Variants in ETF1 observed in about 807,000 individuals in gnomAD.
The protein encoded by ETF1 is eukaryotic peptide chain release factor subunit 1.
ETF1 carries 4 observed loss-of-function variants against 55.1 expected under a neutral mutation model. The ratio of observed to expected loss-of-function variants is 0.07; its 90% CI spans 0.04 to 0.17. The LOEUF is 0.17. Among genes scored for constraint, ETF1 ranks in the 10% least tolerant of loss-of-function variants. The pLI is 1.00. For missense variants in ETF1, 142 were observed against 523.6 expected (o/e 0.27, Z 7.11); for synonymous variants, 157 against 182.3 (o/e 0.86, Z 1.12).
At chr5:138,532,452 C>G (rs961038809) in intron 2 of ETF1, among the ~76,000 whole-genome samples, 2 of 152,144 alleles carry the variant, frequency 1.3e-5, no homozygotes. Flanking sequence ...AAGTGCCTAG[C>G]TTGGAGAGCA....
At chr5:138,527,198 T>C (rs961281681) in intron 2 of ETF1, among the ~76,000 whole-genome samples, 2 of 152,166 alleles carry the variant, frequency 1.3e-5, no homozygotes, top group South Asian at 2.1e-4. Flanking sequence ...CTATCAAAAA[T>C]AGCTACTCTC....
intron 5 of ETF1, chr5:138,513,230 T>C: frequency 1.0e-6 from 1 of 984,348 alleles, no homozygotes; most frequent in Non-Finnish European, 1.2e-6. Flanking sequence ...ATCATACTGT[T>C]TTCTCTCTCT....
At position 138,526,991 on chromosome 5, in the gene ETF1, T is replaced by C. The variant is rs1331210259; in HGVS notation, c.87-8124A>G. Among the ~76,000 whole-genome samples the C allele has an allele frequency of 3.9e-5, 6 of 152,236 alleles. 1 individual carries two copies. In the East Asian group the frequency reaches 1.2e-3, roughly 29 times the overall value. ...CTGGGATTACAGGCATGAGCCACCA[T>C]GCCTGACCTTCTAATTTTTGTATTT... On this transcript the variant is annotated intron_variant, in intron 2 of 10. Coordinates refer to ENST00000360541, the MANE Select transcript of ETF1 (RefSeq NM_004730.4).
chr5:138,526,633 T>G (rs1765483981), intron 2 of ETF1, among the ~76,000 whole-genome samples: 1 of 152,016 alleles, frequency 6.6e-6, no homozygotes, highest in Admixed American at 6.6e-5. Context: ...GCCTCCCAGG[T>G]TTAAGCAATT....
intron 9 of ETF1, 118 bp downstream of exon 9, chr5:138,510,447 C>T: frequency 3.4e-6 from 2 of 596,196 alleles, no homozygotes; most frequent in Non-Finnish European, 6.1e-6. Context: ...CCACCTCCCA[C>T]AGCACCCCCA....
chr5:138,511,492 T>C lies in ETF1; in HGVS notation c.845A>G (p.Gln282Arg). ...TEVLSNVKFI[Q>R]EKKLIGRYFD... is the part of the protein sequence containing the mutation. Reference sequence around the variant, plus strand: ...ACCGATACCTATTAATTTCTTCTCTTGAATGAATTTCACGTTGGAGAGGAC... The same window carrying C: ...ACCGATACCTATTAATTTCTTCTCTCGAATGAATTTCACGTTGGAGAGGAC... Residue 282 changes from glutamine (Q) to arginine (R), a missense_variant, in exon 7 of 11, where the codon CAA becomes CGA. Gln to Arg is a conservative substitution (Grantham distance 43). Transcript: ENST00000360541. 6.2e-7 allele frequency: 1 copy of C among 1,613,546 alleles called. No homozygotes were observed. Among genetic ancestry groups the C allele is most frequent in the Non-Finnish European group, 8.5e-7 (1 of 1,179,822 alleles).
intron 2 of ETF1, among the ~76,000 whole-genome samples, chr5:138,527,663 C>T (rs946317674): frequency 6.6e-6 from 1 of 152,066 alleles, no homozygotes; most frequent in East Asian, 1.9e-4. Context: ...AGGGAGAATA[C>T]GAAGAGATAA....
intron 9 of ETF1, chr5:138,509,056 A>G: frequency 2.0e-6 from 2 of 985,232 alleles, no homozygotes; most frequent in African/African-American, 3.5e-5. Context: ...AAATACCAAC[A>G]CAAAAACTCA....
chr5:138,513,260 C>G, intron 5 of ETF1: 1 of 941,420 alleles, frequency 1.1e-6, no homozygotes, highest in Non-Finnish European at 1.3e-6. Context: ...GAGACAGAGT[C>G]TCACTCTGTC....
intron 2 of ETF1, among the ~76,000 whole-genome samples, chr5:138,521,199 T>C (rs148640914): frequency 7.0e-4 from 106 of 152,274 alleles, no homozygotes; most frequent in African/African-American, 2.4e-3. Context: ...TTGAACACAT[T>C]ATGCTAAGAA....
At chr5:138,536,168 C>A (rs573647247) in intron 2 of ETF1, among the ~76,000 whole-genome samples, 81 of 152,228 alleles carry the variant, frequency 5.3e-4, no homozygotes, top group Admixed American at 1.2e-3. Flanking sequence ...GGAGGAAAAT[C>A]TAGTTTATAA....
chr5:138,539,765 G>C (rs755484471), intron 2 of ETF1, among the ~76,000 whole-genome samples: 7 of 152,160 alleles, frequency 4.6e-5, no homozygotes, highest in Non-Finnish European at 1.0e-4. Context: ...ACATAAAATA[G>C]AATCTGTTAT....
At chr5:138,516,786 G>A (rs942008969) in intron 4 of ETF1, among the ~76,000 whole-genome samples, 4 of 152,136 alleles carry the variant, frequency 2.6e-5, no homozygotes, top group South Asian at 2.1e-4. Context: ...TAACCTACAC[G>A]ATTCCACAAA....
intron 2 of ETF1, chr5:138,541,532 C>T (rs1242449860): frequency 1.2e-5 from 18 of 1,533,924 alleles, no homozygotes; most frequent in East Asian, 4.9e-5. Flanking sequence ...TGAATTGGGC[C>T]TTCAGTACAA....
chr5:138,512,242 ATATATATATATATATAT>A (rs1561829877), intron 6 of ETF1, among the ~76,000 whole-genome samples: 1 of 6,880 alleles, frequency 1.5e-4, no homozygotes, highest in African/African-American at 3.8e-4. Flanking sequence ...ATATATATAT[ATATATATATATATATAT>A]TTTTTTTTTT....
Position 138,542,951 on chromosome 5 carries a change from C to A in ETF1, c.-18-15G>T, listed in dbSNP as rs779289141. On this transcript the variant is annotated splice_polypyrimidine_tract_variant and intron_variant, in intron 1 of 10. Coordinates refer to ENST00000360541, the MANE Select transcript of ETF1 (RefSeq NM_004730.4). ...CCTCCTCCTCCCTAGAGCGGCCCGG[C>A]GGGGCCCGGAGACACCAAGACCACA... 69 of 1,610,912 alleles carry A rather than the reference C, an allele frequency of 4.3e-5. No individual in the cohort carries two copies. In the East Asian group the frequency reaches 1.5e-3, roughly 36 times the overall value.
Position 138,511,620 on chromosome 5 carries a change from A to T in ETF1, c.733-16T>A. ...ATTGTAACCTCTAACACACAAAAAA[A>T]ATATTATTAGTACTTACTGGTACTT... On this transcript the variant is annotated splice_polypyrimidine_tract_variant and intron_variant, in intron 6 of 10. Transcript: ENST00000360541. 1 of 1,591,150 alleles carries T rather than the reference A, an allele frequency of 6.3e-7. No homozygotes were observed. Among genetic ancestry groups the T allele is most frequent in the Non-Finnish European group, 8.6e-7 (1 of 1,169,340 alleles).
At chr5:138,533,096 C>T (rs558691447) in intron 2 of ETF1, among the ~76,000 whole-genome samples, 29 of 152,134 alleles carry the variant, frequency 1.9e-4, no homozygotes, top group African/African-American at 6.3e-4. Context: ...CGGACCACCA[C>T]GCCTGGCTAA....
intron 2 of ETF1, among the ~76,000 whole-genome samples, chr5:138,532,817 A>G (rs866827875): frequency 4.8e-4 from 73 of 152,366 alleles, no homozygotes; most frequent in African/African-American, 1.6e-3. Context: ...CTTGTGTGGC[A>G]TGAGTTCAGT....
Sources: gnomAD v4.1 joint callset for allele counts (sites outside exome capture counted in the v4.1 genomes callset) on GRCh38, gnomAD v4.1.1 for gene constraint, MANE v1.5 for transcripts, NCBI Gene and HGNC (gene_info 2026-07-23, HGNC 2026-07-21) for gene names.